GRIP1: variants seen among roughly 807,000 people sequenced by gnomAD.
GRIP1 encodes glutamate receptor-interacting protein 1.
Under a neutral mutation model 129.9 loss-of-function variants are expected in GRIP1, and 45 were observed. The observed-to-expected ratio is 0.35, with a 90% CI of 0.27 to 0.44. The LOEUF (loss-of-function observed/expected upper bound fraction) is 0.44. Among genes scored for constraint, GRIP1 ranks in the 20% least tolerant of loss-of-function variants. GRIP1 has a pLI of 1.00. For missense variants in GRIP1, 1,196 were observed against 1,396.8 expected, an observed-to-expected ratio of 0.86 and a Z score of 2.29; for synonymous variants, 530 against 520.8, an observed-to-expected ratio of 1.02 and a Z score of -0.24.
At chr12:66,969,522 C>T (rs146070020) in intron 1 of GRIP1, among the ~76,000 whole-genome samples, 2 of 152,220 alleles carry the variant, frequency 1.3e-5, no homozygotes, top group Non-Finnish European at 2.9e-5. Flanking sequence ...AATCCTCCCA[C>T]CTTAGCCTTT....
At chr12:66,519,395 T>G (rs543244845) in intron 5 of GRIP1, among the ~76,000 whole-genome samples, 1 of 152,334 alleles carries the variant, frequency 6.6e-6, no homozygotes, top group Admixed American at 6.5e-5. Context: ...GTAAATACTG[T>G]TACATAATTT....
At chr12:66,585,804 G>A (rs2063608428) in intron 2 of GRIP1, among the ~76,000 whole-genome samples, 1 of 151,576 alleles carries the variant, frequency 6.6e-6, no homozygotes, top group African/African-American at 2.4e-5. Context: ...TCTAACTGGT[G>A]TGAGATGGTA....
At chr12:66,389,763 G>A (rs1291388025) in intron 19 of GRIP1, among the ~76,000 whole-genome samples, 4 of 152,082 alleles carry the variant, frequency 2.6e-5, no homozygotes, top group African/African-American at 9.7e-5. Flanking sequence ...GCTTTGCTCC[G>A]GGCTGTCGGG....
chr12:66,462,823 A>T (rs571907097), intron 9 of GRIP1, 101 bp downstream of exon 9: 26 of 656,108 alleles, frequency 4.0e-5, no homozygotes, highest in East Asian at 9.6e-5. Context: ...AAAAAAAAAA[A>T]GGCAGAATGA....
intron 14 of GRIP1, among the ~76,000 whole-genome samples, chr12:66,423,893 TCAAA>T (rs1470729077): frequency 6.6e-6 from 1 of 152,168 alleles, no homozygotes; most frequent in Non-Finnish European, 1.5e-5. Context: ...CTTTGAAATT[TCAAA>T]CTCCTTGAAA....
intron 7 of GRIP1, among the ~76,000 whole-genome samples, chr12:66,488,872 A>G (rs2060028928): frequency 6.6e-6 from 1 of 152,186 alleles, no homozygotes; most frequent in Non-Finnish European, 1.5e-5. Flanking sequence ...AAAATCTAGA[A>G]GAAATGTATA....
chr12:66,475,058 A>C (rs2059563321), intron 7 of GRIP1, among the ~76,000 whole-genome samples: 1 of 152,224 alleles, frequency 6.6e-6, no homozygotes, highest in African/African-American at 2.4e-5. Flanking sequence ...GTCAAGACCC[A>C]TCAGTGTGCT....
chr12:66,862,801 T>C lies in GRIP1; in HGVS notation c.58+206249A>G, dbSNP rs202155874. On this transcript the variant is annotated intron_variant, in intron 1 of 1. Transcript: ENST00000643019. ...TGCTGTACTGGCAGAGAGAATGCAG[T>C]CTAGATTCCATCTCTCTATGTGGTT... is the stretch of plus-strand genomic sequence containing the variant. Among the ~76,000 whole-genome samples, 80 of 152,164 alleles carry C rather than the reference T, an allele frequency of 5.3e-4. 1 individual carries two copies. The highest frequency in any genetic ancestry group is 1.8e-3 in the African/African-American group (76 of 41,538).
intron 1 of GRIP1, among the ~76,000 whole-genome samples, chr12:66,923,252 G>C (rs993525847): frequency 7.2e-5 from 11 of 152,146 alleles, no homozygotes; most frequent in Admixed American, 2.0e-4. Context: ...AAGCCAAAGC[G>C]GGAGGATCAC....
chr12:66,414,195 G>T (rs150848164), intron 15 of GRIP1, among the ~76,000 whole-genome samples: 1 of 151,896 alleles, frequency 6.6e-6, no homozygotes. Flanking sequence ...CTAGAAAACC[G>T]CATCATCTCA....
At chr12:66,415,938 G>C (rs1202080466) in intron 15 of GRIP1, among the ~76,000 whole-genome samples, 1 of 152,128 alleles carries the variant, frequency 6.6e-6, no homozygotes, top group Non-Finnish European at 1.5e-5. Context: ...TGATGGGAGG[G>C]AGACCATCAG....
intron 1 of GRIP1, among the ~76,000 whole-genome samples, chr12:66,988,179 A>G (rs763388135): frequency 5.3e-5 from 8 of 152,204 alleles, no homozygotes; most frequent in Non-Finnish European, 7.3e-5. Context: ...GTGTGAAATA[A>G]TAGTGCTAGT....
chr12:66,616,346 A>C (rs1047789545), intron 1 of GRIP1, among the ~76,000 whole-genome samples: 2 of 152,150 alleles, frequency 1.3e-5, no homozygotes, highest in Admixed American at 6.5e-5. Context: ...TGTTAACCCC[A>C]AAAACAGTAT....
At chr12:66,464,976 G>A (rs2059246007) in intron 8 of GRIP1, among the ~76,000 whole-genome samples, 2 of 143,802 alleles carry the variant, frequency 1.4e-5, no homozygotes, top group African/African-American at 5.4e-5. Flanking sequence ...TTGAGATGGA[G>A]TTTCACTCTT....
chr12:66,695,964 A>G (rs1356488897), intron 1 of GRIP1, among the ~76,000 whole-genome samples: 1 of 152,154 alleles, frequency 6.6e-6, no homozygotes, highest in South Asian at 2.1e-4. Flanking sequence ...ATGGTGGAGC[A>G]GGCAAATATT....
intron 1 of GRIP1, among the ~76,000 whole-genome samples, chr12:66,786,984 G>C (rs1398863782): frequency 6.6e-6 from 1 of 152,070 alleles, no homozygotes; most frequent in Non-Finnish European, 1.5e-5. Flanking sequence ...GTGGGCGCTG[G>C]AGAGGAAGGA....
intron 9 of GRIP1, among the ~76,000 whole-genome samples, chr12:66,457,539 T>G (rs1356626513): frequency 6.6e-6 from 1 of 152,218 alleles, no homozygotes; most frequent in Non-Finnish European, 1.5e-5. Flanking sequence ...GATTAAGGCA[T>G]GAGCCACCAT....
At chr12:66,759,442 G>A (rs1379548991) in intron 1 of GRIP1, among the ~76,000 whole-genome samples, 2 of 152,130 alleles carry the variant, frequency 1.3e-5, no homozygotes, top group East Asian at 1.9e-4. Context: ...GACATGGCCT[G>A]GAGACATCTT....
chr12:66,714,085 G>A (rs2035794933), intron 1 of GRIP1, among the ~76,000 whole-genome samples: 1 of 151,940 alleles, frequency 6.6e-6, no homozygotes, highest in Non-Finnish European at 1.5e-5. Flanking sequence ...TTTCTTACCA[G>A]ATGTCTTACT....
Sources: allele counts gnomAD v4.1 joint callset (sites outside exome capture counted in the v4.1 genomes callset), GRCh38; gene constraint gnomAD v4.1.1; transcripts MANE v1.5; gene names NCBI Gene and HGNC (gene_info 2026-07-23, HGNC 2026-07-21).